The following GNB4 variants were observed in gnomAD, a reference collection of about 807,000 sequenced individuals.
The protein encoded by GNB4 is guanine nucleotide-binding protein subunit beta-4.
A neutral mutation model predicts 45.2 loss-of-function variants in GNB4; 28 were observed. The ratio of observed to expected loss-of-function variants is 0.62; its 90% CI spans 0.46 to 0.85. The LOEUF (loss-of-function observed/expected upper bound fraction) is 0.85. Among genes scored for constraint, GNB4 ranks in the 40% least tolerant of loss-of-function variants. The probability of loss-of-function intolerance (pLI) is 0.00; values close to 1 mark genes in which losing one functional copy is unlikely to be tolerated. For missense variants in GNB4, 321 were observed against 425.4 expected, an observed-to-expected ratio of 0.75 and a Z score of 2.16; for synonymous variants, 132 against 143.7, an observed-to-expected ratio of 0.92 and a Z score of 0.58.
At chr3:179,504,100 C>A in the GNB4 span, among the ~76,000 whole-genome samples, 1 of 152,192 alleles carries the variant, frequency 6.6e-6, no homozygotes, top group African/African-American at 2.4e-5. Context: ...GTATTATAAT[C>A]TTTTTCATTC....
chr3:179,448,184 T>C (rs190950589), intron 1 of GNB4, among the ~76,000 whole-genome samples: 2 of 152,304 alleles, frequency 1.3e-5, no homozygotes, highest in African/African-American at 4.8e-5. Flanking sequence ...CAAAGCTGCA[T>C]TGTTATTGTT....
At chr3:179,406,524 T>TATA (rs1033997996) in intron 8 of GNB4, among the ~76,000 whole-genome samples, 2 of 152,216 alleles carry the variant, frequency 1.3e-5, no homozygotes, top group Non-Finnish European at 2.9e-5. Context: ...TAATCTTTTA[T>TATA]ATCTAGGTAA....
the GNB4 span, among the ~76,000 whole-genome samples, chr3:179,494,992 A>G: frequency 6.6e-6 from 1 of 152,052 alleles, no homozygotes; most frequent in Non-Finnish European, 1.5e-5. Context: ...AGATATGGAT[A>G]TCCACAGCCA....
In GNB4 at chr3:179,401,322, G is replaced by A; in HGVS notation, c.917-3C>T. On this transcript the variant is annotated splice_polypyrimidine_tract_variant and splice_region_variant and intron_variant, in intron 9 of 9. Transcript: ENST00000232564. ...GTTGTCATGACCAGCAAGGACACCT[G>A]AAAAAAAAATTCAGTAAAAAATTGG... The A allele has an allele frequency of 1.3e-6, 2 of 1,587,288 alleles. No homozygotes were observed. The highest frequency in any genetic ancestry group is 8.6e-7 in the Non-Finnish European group (1 of 1,164,976).
chr3:179,453,778 T>C (rs891935814), upstream of GNB4, among the ~76,000 whole-genome samples: 2 of 152,020 alleles, frequency 1.3e-5, no homozygotes, highest in African/African-American at 4.8e-5. Context: ...AAAGTTTAAT[T>C]ATTATCCAAA....
chr3:179,489,979 C>A, the GNB4 span, among the ~76,000 whole-genome samples: 1 of 152,106 alleles, frequency 6.6e-6, no homozygotes, highest in South Asian at 2.1e-4. Context: ...TTTGTATGGC[C>A]ATTTCTTCTT....
chr3:179,443,945 C>G (rs1715655949), intron 1 of GNB4, among the ~76,000 whole-genome samples: 1 of 152,144 alleles, frequency 6.6e-6, no homozygotes, highest in African/African-American at 2.4e-5. Flanking sequence ...CATTTAGTCC[C>G]ATTTAGTTTT....
At chr3:179,468,035 A>AAAAAAAT in the GNB4 span, among the ~76,000 whole-genome samples, 5 of 89,860 alleles carry the variant, frequency 5.6e-5, no homozygotes, top group East Asian at 3.3e-4. Flanking sequence ...TGTTGATAAA[A>AAAAAAAT]ATATATATAT....
chr3:179,437,021 C>T (rs1336707344), intron 1 of GNB4, among the ~76,000 whole-genome samples: 2 of 152,100 alleles, frequency 1.3e-5, no homozygotes. Flanking sequence ...ACTGGGGTTA[C>T]ATATGAATAA....
chr3:179,439,645 T>C (rs550958043), intron 1 of GNB4, among the ~76,000 whole-genome samples: 1 of 152,348 alleles, frequency 6.6e-6, no homozygotes, highest in South Asian at 2.1e-4. Context: ...CTGAGACAAA[T>C]GTATATCTCA....
chr3:179,497,709 T>A, the GNB4 span, among the ~76,000 whole-genome samples: 1 of 151,752 alleles, frequency 6.6e-6, no homozygotes, highest in South Asian at 2.1e-4. Context: ...AAAAAAAATT[T>A]AAAAAAGATG....
the GNB4 span, chr3:179,465,015 G>A: frequency 7.2e-6 from 11 of 1,523,414 alleles, no homozygotes; most frequent in African/African-American, 1.2e-4. Flanking sequence ...CGTCCCGGAG[G>A]TGATGCCACT....
chr3:179,417,666 C>G (rs371558728), intron 4 of GNB4, among the ~76,000 whole-genome samples: 33 of 152,284 alleles, frequency 2.2e-4, no homozygotes, highest in African/African-American at 7.7e-4. Flanking sequence ...GGATTACAGG[C>G]ATGAGCCACC....
intron 9 of GNB4, among the ~76,000 whole-genome samples, chr3:179,403,303 G>GA (rs144857646): frequency 0.031 from 4,308 of 140,248 alleles, 193 homozygotes; most frequent in African/African-American, 0.097. Flanking sequence ...CAAAAATGAA[G>GA]AAAAAAAAAA....
chr3:179,416,573 A>G lies in GNB4; in HGVS notation c.204-17T>C. On this transcript the variant is annotated splice_polypyrimidine_tract_variant and intron_variant, in intron 4 of 9. Transcript: ENST00000232564. The stretch of plus-strand genomic sequence containing the variant: ...ACTAGCAGCCTAGAGGAACAAACAC[A>G]AAAATAATTTGACACTTAGAGGGAA... 2 of 1,552,656 alleles carry G rather than the reference A, an allele frequency of 1.3e-6. No homozygotes were observed. Among genetic ancestry groups the G allele is most frequent in the Non-Finnish European group, 1.8e-6 (2 of 1,141,204 alleles).
chr3:179,447,648 C>T (rs1464358033), intron 1 of GNB4, among the ~76,000 whole-genome samples: 1 of 152,100 alleles, frequency 6.6e-6, no homozygotes, highest in Non-Finnish European at 1.5e-5. Flanking sequence ...TTGGGGGGCT[C>T]CTGCAGTCAT....
the GNB4 span, among the ~76,000 whole-genome samples, chr3:179,495,050 C>T: frequency 6.6e-6 from 1 of 151,784 alleles, no homozygotes; most frequent in African/African-American, 2.4e-5. Flanking sequence ...AGAACTTCAC[C>T]AAGACACACT....
At chr3:179,519,232 C>T in the GNB4 span, among the ~76,000 whole-genome samples, 5 of 152,242 alleles carry the variant, frequency 3.3e-5, no homozygotes, top group East Asian at 9.6e-4. Flanking sequence ...CACTGGAAAT[C>T]AGACTGTTCA....
At chr3:179,484,299 G>C in the GNB4 span, among the ~76,000 whole-genome samples, 1 of 152,134 alleles carries the variant, frequency 6.6e-6, no homozygotes, top group Non-Finnish European at 1.5e-5. Context: ...ATGACCCTTC[G>C]GGTTCTGTTC....
Sources: allele counts gnomAD v4.1 joint callset (sites outside exome capture counted in the v4.1 genomes callset), GRCh38; gene constraint gnomAD v4.1.1; transcripts MANE v1.5; gene names NCBI Gene and HGNC (gene_info 2026-07-23, HGNC 2026-07-21).